PGM5: variants seen among roughly 807,000 people sequenced by gnomAD.
PGM5 encodes phosphoglucomutase-like protein 5.
In PGM5, 23 loss-of-function variants were observed where a neutral mutation model predicts 59.2. That is an observed-to-expected ratio of 0.39 (90% CI 0.28 to 0.55). PGM5 has a LOEUF of 0.55. PGM5 is among the 20% of genes least tolerant of loss of function. PGM5 has a pLI of 0.66. For synonymous variants in PGM5, 214 were observed against 286.0 expected (o/e 0.75, Z 2.54); for missense variants, 574 against 748.3 (o/e 0.77, Z 2.72).
At chr9:68,434,720 C>T (rs2132058733) in intron 6 of PGM5, among the ~76,000 whole-genome samples, 1 of 151,890 alleles carries the variant, frequency 6.6e-6, no homozygotes, top group South Asian at 2.1e-4. Context: ...GCAGAAGAAT[C>T]GCTTGAACCT....
chr9:68,501,475 C>T (rs1330219421), intron 10 of PGM5, among the ~76,000 whole-genome samples: 1 of 152,184 alleles, frequency 6.6e-6, no homozygotes, highest in African/African-American at 2.4e-5. Context: ...TTTGAGGGCT[C>T]CTTACAGGGT....
intron 7 of PGM5, among the ~76,000 whole-genome samples, chr9:68,471,616 TAA>T (rs782012642): frequency 4.8e-4 from 64 of 132,646 alleles, no homozygotes; most frequent in Admixed American, 6.0e-4. Flanking sequence ...CCCTGTCTCT[TAA>T]AAAAAAAAAA....
chr9:68,456,367 G>A (rs1403090987), intron 6 of PGM5, among the ~76,000 whole-genome samples: 1 of 151,518 alleles, frequency 6.6e-6, no homozygotes, highest in Non-Finnish European at 1.5e-5. Flanking sequence ...CTGAAGTGCA[G>A]TGGCGAGATC....
chr9:68,390,425 C>G (rs1281752108), intron 4 of PGM5, among the ~76,000 whole-genome samples: 2 of 152,148 alleles, frequency 1.3e-5, no homozygotes, highest in Non-Finnish European at 2.9e-5. Context: ...TAGGTCACCT[C>G]CTTAGCCTTG....
At chr9:68,376,275 T>A (rs1376080793) in intron 1 of PGM5, among the ~76,000 whole-genome samples, 2 of 152,154 alleles carry the variant, frequency 1.3e-5, no homozygotes, top group African/African-American at 4.8e-5. Context: ...CCTTAGCTAT[T>A]ATTATTATAT....
At chr9:68,517,131 G>T (rs1310519925) in intron 10 of PGM5, among the ~76,000 whole-genome samples, 2 of 151,124 alleles carry the variant, frequency 1.3e-5, no homozygotes, top group African/African-American at 4.9e-5. Flanking sequence ...TGATCTGCCC[G>T]CCTCGGCCTA....
chr9:68,422,197 A>T (rs1554682395), intron 6 of PGM5, among the ~76,000 whole-genome samples: 1 of 152,162 alleles, frequency 6.6e-6, no homozygotes, highest in Admixed American at 6.5e-5. Context: ...TCTCAACAAT[A>T]AAATAATAAT....
intron 6 of PGM5, among the ~76,000 whole-genome samples, chr9:68,445,673 T>C (rs1481459059): frequency 6.6e-6 from 1 of 152,226 alleles, no homozygotes; most frequent in African/African-American, 2.4e-5. Context: ...GAGTTTTCCT[T>C]ATTGTTCTGA....
intron 1 of PGM5, among the ~76,000 whole-genome samples, chr9:68,376,576 T>C (rs530886776): frequency 3.5e-4 from 53 of 151,840 alleles, no homozygotes; most frequent in Admixed American, 9.2e-4. Flanking sequence ...TTGTTATATT[T>C]GGTCAGTGAC....
intron 6 of PGM5, among the ~76,000 whole-genome samples, chr9:68,434,737 C>T (rs544866454): frequency 7.3e-5 from 11 of 151,384 alleles, no homozygotes; most frequent in Admixed American, 4.6e-4. Flanking sequence ...ACCTGGGAGT[C>T]GGAGATCGCA....
Position 68,437,577 on chromosome 9 carries a change from TCACA to T in PGM5, c.1044-27496_1044-27493del, listed in dbSNP as rs142454172. Among the ~76,000 whole-genome samples the T allele has an allele frequency of 2.8e-4, 41 of 145,266 alleles. No homozygotes were observed. The highest frequency in any genetic ancestry group is 1.3e-3 in the South Asian group (6 of 4,596). On this transcript the variant is annotated intron_variant, in intron 6 of 10. Transcript: ENST00000396396. The surrounding 1 kb of genome is among the most constrained non-coding windows in gnomAD (Gnocchi z 4.1). The stretch of plus-strand genomic sequence containing the variant: ...CAATTTTTCAAAGGGACACACACAC[TCACA>T]CACACACACACACACACACTCTCAC...
chr9:68,483,292 A>C (rs1418636314), intron 8 of PGM5, among the ~76,000 whole-genome samples: 1 of 152,248 alleles, frequency 6.6e-6, no homozygotes, highest in Non-Finnish European at 1.5e-5. Flanking sequence ...TGAGAGAAGA[A>C]GACGAGTGGG....
intron 9 of PGM5, among the ~76,000 whole-genome samples, chr9:68,495,159 A>G (rs1291476625): frequency 6.6e-6 from 1 of 152,214 alleles, no homozygotes. Context: ...TAAGGTTAAC[A>G]CTGCGGTGGA....
intron 1 of PGM5, among the ~76,000 whole-genome samples, chr9:68,360,224 A>G (rs1436387117): frequency 5.1e-4 from 77 of 151,166 alleles, no homozygotes; most frequent in East Asian, 1.6e-3. Context: ...ATGATGAACT[A>G]TATTACTTAT....
At chr9:68,452,111 G>C (rs1292369572) in intron 6 of PGM5, among the ~76,000 whole-genome samples, 1 of 152,150 alleles carries the variant, frequency 6.6e-6, no homozygotes, top group African/African-American at 2.4e-5. Flanking sequence ...TCCCTCCACT[G>C]TAGGCTGTGG....
chr9:68,498,361 T>C (rs956149163), intron 9 of PGM5: 3 of 152,314 alleles, frequency 2.0e-5, no homozygotes, highest in African/African-American at 7.2e-5. Context: ...TTTTGTCTGT[T>C]ATCTTATATA....
At chr9:68,509,873 C>T (rs559141282) in intron 10 of PGM5, among the ~76,000 whole-genome samples, 1 of 152,244 alleles carries the variant, frequency 6.6e-6, no homozygotes, top group Admixed American at 6.5e-5. Flanking sequence ...GTTTGGTTTG[C>T]ATCTGAAAGG....
Position 68,389,618 on chromosome 9 carries a change from A to G in PGM5, c.698-1916A>G, listed in dbSNP as rs1341889211. On this transcript the variant is annotated intron_variant, in intron 4 of 10. Transcript: ENST00000396396. ...TGAGTACAATTTTATTGTGTTGTCG[A>G]TATACCACAATTTGTTTATCCATTA... Among the ~76,000 whole-genome samples the G allele has an allele frequency of 3.3e-5, 5 of 152,060 alleles. No homozygotes were observed. In the East Asian group the frequency reaches 5.8e-4, roughly 18 times the overall value.
At chr9:68,499,893 C>A (rs7874438) in intron 10 of PGM5, among the ~76,000 whole-genome samples, 63,858 of 151,998 alleles carry the variant, frequency 0.42, 14,999 homozygotes, top group South Asian at 0.54. Context: ...GCAAAGTCTC[C>A]TCATGTTTTC....
Sources: gnomAD v4.1 joint callset for allele counts (sites outside exome capture counted in the v4.1 genomes callset) on GRCh38, gnomAD v4.1.1 for gene constraint, Gnocchi (gnomAD v3.1) non-coding constraint, MANE v1.5 for transcripts, NCBI Gene and HGNC (gene_info 2026-07-23, HGNC 2026-07-21) for gene names.